The following SORCS1 variants were observed in gnomAD, a reference collection of about 807,000 sequenced individuals.
The protein encoded by SORCS1 is sortilin related VPS10 domain containing receptor 1.
Under a neutral mutation model 146.1 loss-of-function variants are expected in SORCS1, and 60 were observed. That is an observed-to-expected ratio of 0.41 (90% CI 0.33 to 0.51). The LOEUF is 0.51. SORCS1 is among the 20% of genes least tolerant of loss of function. SORCS1 has a pLI of 0.21. For missense variants in SORCS1, 1,352 were observed against 1,487.6 expected, an observed-to-expected ratio of 0.91 and a Z score of 1.50; for synonymous variants, 637 against 584.0, an observed-to-expected ratio of 1.09 and a Z score of -1.31.
intron 17 of SORCS1, among the ~76,000 whole-genome samples, chr10:106,663,413 T>C (rs1341844188): frequency 1.3e-5 from 2 of 152,168 alleles, no homozygotes; most frequent in Non-Finnish European, 2.9e-5. Flanking sequence ...ATCACAGTTG[T>C]GTGGGGAAAG....
chr10:106,581,306 C>A (rs574630165), intron 24 of SORCS1, among the ~76,000 whole-genome samples: 2 of 147,262 alleles, frequency 1.4e-5, no homozygotes, highest in East Asian at 4.1e-4. Context: ...AAGACTTGAA[C>A]CTGAATCGTC....
intron 2 of SORCS1, among the ~76,000 whole-genome samples, chr10:106,913,372 C>CA (rs1198257468): frequency 3.9e-5 from 6 of 152,282 alleles, no homozygotes; most frequent in South Asian, 4.1e-4. Context: ...GCTGGAACTG[C>CA]AATACACCAA....
intron 2 of SORCS1, among the ~76,000 whole-genome samples, chr10:106,937,826 T>A (rs974443497): frequency 6.6e-6 from 1 of 151,778 alleles, no homozygotes; most frequent in Admixed American, 6.6e-5. Flanking sequence ...TAGCCGGACA[T>A]GGTGGCAGGT....
In SORCS1 at chr10:106,585,107, C is replaced by T. The variant is rs537347625; in HGVS notation, c.3266-5633G>A. Among the ~76,000 whole-genome samples, 86 of 151,932 alleles carry T rather than the reference C, an allele frequency of 5.7e-4. 2 individuals are homozygous for T. In the East Asian group the frequency reaches 0.014, roughly 25 times the overall value. On this transcript the variant is annotated intron_variant, in intron 24 of 25. Coordinates refer to ENST00000263054, the MANE Select transcript of SORCS1 (RefSeq NM_052918.5). Reference sequence around the variant, plus strand: ...GGCATGGTGGCAGGCACCTGTAGTCCCAGCTACTCGGGAGGTTGAGGCAGG... The same window carrying T: ...GGCATGGTGGCAGGCACCTGTAGTCTCAGCTACTCGGGAGGTTGAGGCAGG...
chr10:106,885,627 T>G (rs1950968337), intron 2 of SORCS1, among the ~76,000 whole-genome samples: 1 of 152,172 alleles, frequency 6.6e-6, no homozygotes, highest in Non-Finnish European at 1.5e-5. Flanking sequence ...AATGTATGAT[T>G]TACATGCGTA....
At chr10:107,150,527 T>C (rs982497046) in intron 1 of SORCS1, among the ~76,000 whole-genome samples, 1 of 152,238 alleles carries the variant, frequency 6.6e-6, no homozygotes, top group Non-Finnish European at 1.5e-5. Flanking sequence ...AGTGAAGCAC[T>C]GTGCTTTTGG....
chr10:106,925,899 A>G (rs184057725), intron 2 of SORCS1, among the ~76,000 whole-genome samples: 2 of 152,356 alleles, frequency 1.3e-5, no homozygotes, highest in Admixed American at 1.3e-4. Flanking sequence ...GGGCTCTCTA[A>G]AACAGTTCTG....
chr10:107,039,449 A>C (rs1257126901), intron 1 of SORCS1, among the ~76,000 whole-genome samples: 1 of 152,168 alleles, frequency 6.6e-6, no homozygotes, highest in East Asian at 1.9e-4. Context: ...TAAAATGTAA[A>C]TGTGCCAAGA....
intron 2 of SORCS1, among the ~76,000 whole-genome samples, chr10:106,946,044 CTCT>C (rs765994865): frequency 2.6e-5 from 4 of 152,164 alleles, no homozygotes; most frequent in Admixed American, 6.5e-5. Flanking sequence ...ACTGGTTATG[CTCT>C]TCTTCTTTGA....
chr10:106,755,957 C>T (rs564601977), intron 5 of SORCS1, among the ~76,000 whole-genome samples: 2 of 152,050 alleles, frequency 1.3e-5, no homozygotes, highest in South Asian at 2.1e-4. Flanking sequence ...GGTGAAATTC[C>T]GTCTCTACTA....
chr10:106,750,774 A>G (rs376925187), intron 5 of SORCS1, among the ~76,000 whole-genome samples: 56 of 116,408 alleles, frequency 4.8e-4, no homozygotes, highest in African/African-American at 1.8e-3. Context: ...AAAGAAAAAG[A>G]AAAGGCCGGG....
chr10:106,647,389 TACACACAC>T (rs3044913), intron 18 of SORCS1, among the ~76,000 whole-genome samples: 1 of 147,306 alleles, frequency 6.8e-6, no homozygotes, highest in African/African-American at 2.5e-5. Context: ...TTATAAATTT[TACACACAC>T]ACACACACAC....
chr10:106,587,105 A>G (rs143581777), intron 24 of SORCS1, among the ~76,000 whole-genome samples: 157 of 152,352 alleles, frequency 1.0e-3, no homozygotes, highest in Admixed American at 6.0e-3. Context: ...TTAAATAACT[A>G]TGAAAAGCCG....
At chr10:106,992,573 C>T (rs1279831265) in intron 1 of SORCS1, among the ~76,000 whole-genome samples, 1 of 152,016 alleles carries the variant, frequency 6.6e-6, no homozygotes, top group African/African-American at 2.4e-5. Context: ...CAGCTCACTG[C>T]AGCCTCGAAT....
At chr10:106,678,877 A>C (rs1852230629) in intron 12 of SORCS1, among the ~76,000 whole-genome samples, 1 of 152,162 alleles carries the variant, frequency 6.6e-6, no homozygotes, top group South Asian at 2.1e-4. Context: ...AGGGGAATTT[A>C]TGGAGCCAAC....
intron 1 of SORCS1, among the ~76,000 whole-genome samples, chr10:107,161,794 T>C (rs527302600): frequency 2.1e-4 from 32 of 152,324 alleles, no homozygotes; most frequent in Non-Finnish European, 4.3e-4. Context: ...TTGGAGGACA[T>C]AGATAAAGAC....
At position 106,842,902 on chromosome 10, in the gene SORCS1, T is replaced by C. The variant is rs911754563; in HGVS notation, c.627-13229A>G. 3.7e-4 allele frequency among the ~76,000 whole-genome samples: 56 copies of C among 152,190 alleles called. 3 individuals carry two copies. Among genetic ancestry groups the C allele is most frequent in the Non-Finnish European group, 2.9e-5 (2 of 68,030 alleles). ...TGCTGAGATTACAGGCATGAGCCACTGTGCCTGGCCCTTACTGTTGAGTTT... is the reference window on the plus strand; with the variant it reads ...TGCTGAGATTACAGGCATGAGCCACCGTGCCTGGCCCTTACTGTTGAGTTT... On this transcript the variant is annotated intron_variant, in intron 2 of 25. Coordinates refer to ENST00000263054, the MANE Select transcript of SORCS1 (RefSeq NM_052918.5).
At chr10:106,852,621 C>T (rs1421328372) in intron 2 of SORCS1, among the ~76,000 whole-genome samples, 2 of 119,888 alleles carry the variant, frequency 1.7e-5, no homozygotes, top group African/African-American at 6.3e-5. Context: ...GAGCGAGACC[C>T]TGTCTCAAAA....
chr10:106,808,323 C>T (rs994193053), intron 3 of SORCS1, among the ~76,000 whole-genome samples: 6 of 152,076 alleles, frequency 3.9e-5, no homozygotes, highest in Non-Finnish European at 7.4e-5. Flanking sequence ...TGGCCCGGTG[C>T]TGTTTTTAAA....
Sources: gnomAD v4.1 joint callset for allele counts (sites outside exome capture counted in the v4.1 genomes callset) on GRCh38, gnomAD v4.1.1 for gene constraint, MANE v1.5 for transcripts, NCBI Gene and HGNC (gene_info 2026-07-23, HGNC 2026-07-21) for gene names.